Variants in CCNYL1 observed in about 807,000 individuals in gnomAD.
CCNYL1 encodes the protein cyclin Y like 1, also known as cyclin-Y-like protein 1.
In CCNYL1, 16 loss-of-function variants were observed where a neutral mutation model predicts 44.2. The ratio of observed to expected loss-of-function variants is 0.36; its 90% CI spans 0.25 to 0.55. CCNYL1 has a LOEUF of 0.55. Among genes scored for constraint, CCNYL1 ranks in the 20% least tolerant of loss-of-function variants. The probability of loss-of-function intolerance (pLI) is 0.85; values close to 1 mark genes in which losing one functional copy is unlikely to be tolerated. For synonymous variants in CCNYL1, 159 were observed against 163.2 expected (o/e 0.97, Z 0.20); for missense variants, 348 against 451.8 (o/e 0.77, Z 2.08).
chr2:207,727,717 T>C (rs902393739), intron 3 of CCNYL1, among the ~76,000 whole-genome samples: 2 of 152,204 alleles, frequency 1.3e-5, no homozygotes, highest in African/African-American at 4.8e-5. Context: ...CCTCTTCAAA[T>C]ATAGACGGGT....
Position 207,711,642 on chromosome 2 carries a change from A to C in CCNYL1, c.-255A>C. ...AAGCCGGGCTGGTCACCGCCCTCGC[A>C]GACGAGTCAGCTTAAGGGAGGCGGC... On this transcript the variant is annotated 5_prime_UTR_variant, in exon 1 of 10. Coordinates refer to ENST00000295414, the MANE Select transcript of CCNYL1 (RefSeq NM_001330218.2). 1 of 153,730 alleles carries C rather than the reference A, an allele frequency of 6.5e-6. No individual in the cohort carries two copies. Among genetic ancestry groups the C allele is most frequent in the East Asian group, 1.9e-4 (1 of 5,242 alleles). The allele number at this position is 153,730 out of a possible 1,614,324, so 9.5% of individuals were successfully genotyped here.
At chr2:207,748,292 G>A (rs1159314029) in intron 8 of CCNYL1, among the ~76,000 whole-genome samples, 1 of 152,204 alleles carries the variant, frequency 6.6e-6, no homozygotes, top group East Asian at 1.9e-4. Flanking sequence ...CCACACTCGA[G>A]AGGCTCCCTG....
chr2:207,721,157 C>T (rs1257150774), intron 1 of CCNYL1, among the ~76,000 whole-genome samples: 2 of 152,102 alleles, frequency 1.3e-5, no homozygotes, highest in African/African-American at 2.4e-5. Flanking sequence ...TAGAGCAGGT[C>T]AGTAAATGCA....
At chr2:207,735,786 T>C (rs2091760201) in intron 4 of CCNYL1, among the ~76,000 whole-genome samples, 2 of 151,880 alleles carry the variant, frequency 1.3e-5, no homozygotes, top group African/African-American at 4.8e-5. Context: ...ATAGCTTGAA[T>C]CCGGGAAGCG....
chr2:207,742,701 A>AT (rs1287134210), intron 7 of CCNYL1, among the ~76,000 whole-genome samples: 12 of 152,154 alleles, frequency 7.9e-5, no homozygotes, highest in African/African-American at 2.7e-4. Context: ...CCAGATACTG[A>AT]TTCCAGTGTA....
At chr2:207,713,473 C>G (rs573786797) in intron 1 of CCNYL1, among the ~76,000 whole-genome samples, 1 of 152,170 alleles carries the variant, frequency 6.6e-6, no homozygotes, top group African/African-American at 2.4e-5. Flanking sequence ...GGAGAGGAAA[C>G]GTTTAGTTTT....
At chr2:207,722,094 ATGTAGTCTTGCTCTGT>A (rs1251620795) in intron 1 of CCNYL1, among the ~76,000 whole-genome samples, 2 of 115,010 alleles carry the variant, frequency 1.7e-5, no homozygotes, top group Non-Finnish European at 1.8e-5. Context: ...TTTTTTTGAG[ATGTAGTCTTGCTCTGT>A]TGACCAGGCT....
chr2:207,720,187 CA>C (rs747214958), intron 1 of CCNYL1, among the ~76,000 whole-genome samples: 43 of 57,896 alleles, frequency 7.4e-4, no homozygotes, highest in East Asian at 1.5e-3. Context: ...GACTCCGTCT[CA>C]AAAAAAAAAA....
At chr2:207,738,651 C>A (rs1354705647) in intron 5 of CCNYL1, among the ~76,000 whole-genome samples, 1 of 152,148 alleles carries the variant, frequency 6.6e-6, no homozygotes, top group Non-Finnish European at 1.5e-5. Flanking sequence ...TGTATCATTT[C>A]CCCTTACTTG....
chr2:207,726,483 T>G (rs2091680711), intron 2 of CCNYL1, among the ~76,000 whole-genome samples: 1 of 152,194 alleles, frequency 6.6e-6, no homozygotes, highest in Non-Finnish European at 1.5e-5. Context: ...TAAAGTAAGC[T>G]ACCTGTAAAT....
intron 2 of CCNYL1, among the ~76,000 whole-genome samples, chr2:207,725,436 G>A (rs190881577): frequency 1.8e-4 from 27 of 152,186 alleles, no homozygotes; most frequent in African/African-American, 6.5e-4. Flanking sequence ...ATGGATTTAT[G>A]CATATTTCTC....
At chr2:207,714,204 A>G (rs1018034236) in intron 1 of CCNYL1, 2 of 362,208 alleles carry the variant, frequency 5.5e-6, no homozygotes, top group Admixed American at 7.8e-5. Flanking sequence ...TCCAGAATGC[A>G]TCATGTATTT....
Position 207,755,849 on chromosome 2 carries a change from T to G in CCNYL1, c.*2151T>G, listed in dbSNP as rs184074680. On this transcript the variant is annotated 3_prime_UTR_variant, in exon 10 of 10. Transcript: ENST00000295414. ...TTCTCAACTATGTGAAATCTGTTTC[T>G]CCTACTTTCTCAAATCTAATCCTAG... 7 of 152,332 alleles carry G rather than the reference T, an allele frequency of 4.6e-5. No homozygotes were observed. The highest frequency in any genetic ancestry group is 1.7e-4 in the African/African-American group (7 of 41,578). The allele number at this position is 152,332 out of a possible 1,614,324, so 9.4% of individuals were successfully genotyped here. A position where few individuals can be genotyped will look rare whatever the true frequency, so the allele number is the denominator to read the frequency against.
At chr2:207,723,874 CAAAA>C (rs58432475) in intron 1 of CCNYL1, among the ~76,000 whole-genome samples, 20 of 53,334 alleles carry the variant, frequency 3.7e-4, no homozygotes, top group Admixed American at 8.2e-4. Flanking sequence ...GACTCCATCT[CAAAA>C]AAAAAAAAAA....
intron 7 of CCNYL1, among the ~76,000 whole-genome samples, chr2:207,746,698 G>A (rs145735671): frequency 6.6e-6 from 1 of 152,338 alleles, no homozygotes; most frequent in Non-Finnish European, 1.5e-5. Flanking sequence ...AGCATTTCGG[G>A]GCCGGGCGCG....
intron 1 of CCNYL1, chr2:207,714,438 G>A (rs919932215): frequency 5.2e-6 from 2 of 383,616 alleles, no homozygotes; most frequent in East Asian, 7.9e-5. Context: ...CTGGGACCAC[G>A]GGCGTGTGCC....
intron 1 of CCNYL1, among the ~76,000 whole-genome samples, chr2:207,715,862 G>C (rs1559163581): frequency 6.6e-6 from 1 of 151,082 alleles, no homozygotes; most frequent in Non-Finnish European, 1.5e-5. Flanking sequence ...GTTTTTAGTA[G>C]AGATGGTTTC....
chr2:207,715,353 G>T (rs922901558), intron 1 of CCNYL1, among the ~76,000 whole-genome samples: 5 of 148,536 alleles, frequency 3.4e-5, no homozygotes, highest in Non-Finnish European at 7.4e-5. Flanking sequence ...CATAAATGAC[G>T]CTCGGCTTTG....
intron 2 of CCNYL1, among the ~76,000 whole-genome samples, chr2:207,725,082 C>CT (rs35599128): frequency 6.7e-6 from 1 of 148,804 alleles, no homozygotes; most frequent in Non-Finnish European, 1.5e-5. Flanking sequence ...GTTTTGCCAC[C>CT]TTTTTATAAC....
Sources: allele counts gnomAD v4.1 joint callset (sites outside exome capture counted in the v4.1 genomes callset), GRCh38; gene constraint gnomAD v4.1.1; transcripts MANE v1.5; gene names NCBI Gene and HGNC (gene_info 2026-07-23, HGNC 2026-07-21).